The following GNAZ variants were observed in gnomAD, a reference collection of about 807,000 sequenced individuals.
The protein encoded by GNAZ is G protein subunit alpha z.
In GNAZ, 3 loss-of-function variants were observed where a neutral mutation model predicts 25.4. That is an observed-to-expected ratio of 0.12 (90% CI 0.05 to 0.30). The LOEUF (loss-of-function observed/expected upper bound fraction) is 0.30, where lower values mean the gene tolerates loss of function less well. Among genes scored for constraint, GNAZ ranks in the 10% least tolerant of loss-of-function variants. GNAZ has a pLI of 1.00. For missense variants in GNAZ, 241 were observed against 501.8 expected, an observed-to-expected ratio of 0.48 and a Z score of 4.97; for synonymous variants, 211 against 205.7, an observed-to-expected ratio of 1.03 and a Z score of -0.22.
At chr22:23,115,391 C>T (rs2146377126) in intron 2 of GNAZ, among the ~76,000 whole-genome samples, 1 of 152,318 alleles carries the variant, frequency 6.6e-6, no homozygotes, top group African/African-American at 2.4e-5. Flanking sequence ...GACGGTCCCA[C>T]CATCTCTGGG....
chr22:23,117,026 C>T (rs1037581983), intron 2 of GNAZ, among the ~76,000 whole-genome samples: 7 of 152,142 alleles, frequency 4.6e-5, no homozygotes, highest in African/African-American at 1.7e-4. Flanking sequence ...GGGATCTGTG[C>T]GCCTCAGCTC....
At chr22:23,097,189 G>A (rs1317127540) in intron 2 of GNAZ, among the ~76,000 whole-genome samples, 1 of 152,196 alleles carries the variant, frequency 6.6e-6, no homozygotes, top group Non-Finnish European at 1.5e-5. Flanking sequence ...GGGAGTGGGG[G>A]CAAACAAGGA....
intron 2 of GNAZ, among the ~76,000 whole-genome samples, chr22:23,109,357 C>A (rs374247967): frequency 6.6e-6 from 1 of 152,158 alleles, no homozygotes; most frequent in South Asian, 2.1e-4. Context: ...TCTGCCCCCA[C>A]CCTTTAGGAT....
chr22:23,089,637 C>T (rs1297419046), intron 1 of GNAZ, among the ~76,000 whole-genome samples: 1 of 152,084 alleles, frequency 6.6e-6, no homozygotes. Flanking sequence ...GAGAGGGCCA[C>T]GTCTGGAAGG....
intron 2 of GNAZ, among the ~76,000 whole-genome samples, chr22:23,102,500 C>T (rs1188156790): frequency 6.6e-6 from 1 of 152,364 alleles, no homozygotes. Context: ...TTTCTTAGCC[C>T]GCCTTGTGCA....
At chr22:23,115,374 G>C (rs2069796048) in intron 2 of GNAZ, among the ~76,000 whole-genome samples, 1 of 152,200 alleles carries the variant, frequency 6.6e-6, no homozygotes, top group African/African-American at 2.4e-5. Context: ...ATCCAGAGTA[G>C]GGAGGTGACG....
In GNAZ at chr22:23,082,080, G is replaced by C. The variant is rs541425078; in HGVS notation, c.-450+11510G>C. ...GCGGAGCTTGCAGTGAGCCGAGATCGTGCCGCTGCACTCCAGCCTGGGCGA... is the reference window on the plus strand; with the variant it reads ...GCGGAGCTTGCAGTGAGCCGAGATCCTGCCGCTGCACTCCAGCCTGGGCGA... On this transcript the variant is annotated intron_variant, in intron 1 of 2. Transcript: ENST00000615612. Among the ~76,000 whole-genome samples, 605 of 148,394 alleles carry C rather than the reference G, an allele frequency of 4.1e-3. 2 individuals are homozygous for C. Among genetic ancestry groups the C allele is most frequent in the Non-Finnish European group, 6.1e-3 (413 of 67,180 alleles).
Position 23,096,037 on chromosome 22 carries a change from T to C in GNAZ, c.342T>C (p.Ala114=), listed in dbSNP as rs140611510. Residue 114 remains alanine, a synonymous_variant, in exon 2 of 3, where the codon GCT becomes GCC. Transcript: ENST00000615612. ...AGCTCTTTGCGCTGACGGGCCCCGC[T>C]GAGAGCAAGGGCGAGATCACACCCG... The part of the protein sequence containing the change: ...AVQLFALTGP[A]ESKGEITPEL... 2 of 1,607,058 alleles carry C rather than the reference T, an allele frequency of 1.2e-6. No individual in the cohort carries two copies. Among genetic ancestry groups the C allele is most frequent in the Admixed American group, 1.7e-5 (1 of 60,018 alleles).
At chr22:23,090,383 G>C (rs749716024) in intron 1 of GNAZ, among the ~76,000 whole-genome samples, 1 of 152,066 alleles carries the variant, frequency 6.6e-6, no homozygotes, top group Non-Finnish European at 1.5e-5. Flanking sequence ...ACTTCCCCCA[G>C]CCCTCACCTG....
intron 1 of GNAZ, among the ~76,000 whole-genome samples, chr22:23,073,744 C>CATTT (rs1345407636): frequency 1.3e-5 from 2 of 152,226 alleles, no homozygotes; most frequent in African/African-American, 2.4e-5. Flanking sequence ...TTCATCCATT[C>CATTT]ATTTGTTCAG....
intron 2 of GNAZ, among the ~76,000 whole-genome samples, 187 bp downstream of exon 2, chr22:23,096,605 G>T (rs1486473892): frequency 6.6e-6 from 1 of 152,186 alleles, no homozygotes; most frequent in Non-Finnish European, 1.5e-5. Context: ...GTGGAGTGCA[G>T]GTGTCATGTC....
At chr22:23,122,690 C>T (rs962972029) in intron 2 of GNAZ, 2 of 212,682 alleles carry the variant, frequency 9.4e-6, no homozygotes, top group Non-Finnish European at 9.5e-6. Flanking sequence ...AGAAGATGGC[C>T]TTCCTTGTAC....
intron 1 of GNAZ, among the ~76,000 whole-genome samples, chr22:23,073,948 C>T (rs1296866173): frequency 1.3e-5 from 2 of 152,000 alleles, no homozygotes; most frequent in Admixed American, 6.6e-5. Context: ...GGGACTGACA[C>T]AGTGCCATGC....
At chr22:23,084,467 G>C (rs2068763050) in intron 1 of GNAZ, among the ~76,000 whole-genome samples, 1 of 152,116 alleles carries the variant, frequency 6.6e-6, no homozygotes, top group African/African-American at 2.4e-5. Context: ...ACTTAGGATG[G>C]GTTTATCAGG....
Position 23,124,009 on chromosome 22 carries a change from C to T in GNAZ, c.*578C>T. 4.3e-6 allele frequency: 1 copy of T among 230,786 alleles called. No homozygotes were observed. Among genetic ancestry groups the T allele is most frequent in the Non-Finnish European group, 8.8e-6 (1 of 114,230 alleles). 14.3% of individuals were successfully genotyped at this position (230,786 alleles called of 1,614,324 possible). On this transcript the variant is annotated 3_prime_UTR_variant, in exon 3 of 3. Coordinates refer to ENST00000615612, the MANE Select transcript of GNAZ (RefSeq NM_002073.4). ...TGGGACCTTAGGAGCCGGGTGACAG[C>T]ACTAACCAGACCTCCAGCCACTCAC...
At chr22:23,080,767 G>A (rs376703474) in intron 1 of GNAZ, among the ~76,000 whole-genome samples, 1 of 152,236 alleles carries the variant, frequency 6.6e-6, no homozygotes, top group East Asian at 1.9e-4. Context: ...CACTGCAAAA[G>A]CTATTGTGAT....
In GNAZ at chr22:23,121,043, G is replaced by C. The variant is rs924344451; in HGVS notation, c.724-2044G>C. ...ATTAGAGCTAATTACTCCCTCAGCA[G>C]AATGTGACATTCCTAGACCACCACT... On this transcript the variant is annotated intron_variant, in intron 2 of 2. Coordinates refer to ENST00000615612, the MANE Select transcript of GNAZ (RefSeq NM_002073.4). 2.6e-5 allele frequency among the ~76,000 whole-genome samples: 4 copies of C among 152,314 alleles called. No individual in the cohort carries two copies. In the Middle Eastern group the frequency reaches 0.01, roughly 389 times the overall value.
chr22:23,077,972 C>T (rs2068552802), intron 1 of GNAZ, among the ~76,000 whole-genome samples: 1 of 152,228 alleles, frequency 6.6e-6, no homozygotes, highest in Non-Finnish European at 1.5e-5. Flanking sequence ...CATGCCTCCT[C>T]CTGCCCAGCT....
intron 1 of GNAZ, among the ~76,000 whole-genome samples, chr22:23,075,128 G>A (rs1433778474): frequency 6.6e-6 from 1 of 152,202 alleles, no homozygotes; most frequent in African/African-American, 2.4e-5. Context: ...TATTGGGGAT[G>A]TAGTGGCCCC....
Sources: allele counts gnomAD v4.1 joint callset (sites outside exome capture counted in the v4.1 genomes callset), GRCh38; gene constraint gnomAD v4.1.1; transcripts MANE v1.5; gene names NCBI Gene and HGNC (gene_info 2026-07-23, HGNC 2026-07-21).